ANKFY1: variants seen among roughly 807,000 people sequenced by gnomAD.
ANKFY1 encodes the protein ankyrin repeat and FYVE domain containing 1, also known as ankyrin repeat and FYVE domain-containing protein 1.
A neutral mutation model predicts 128.3 loss-of-function variants in ANKFY1; 47 were observed. The observed-to-expected ratio is 0.37, with a 90% CI of 0.29 to 0.47. The LOEUF (loss-of-function observed/expected upper bound fraction) is 0.47. Among genes scored for constraint, ANKFY1 ranks in the 20% least tolerant of loss-of-function variants. The pLI is 1.00. For missense variants in ANKFY1, 1,222 were observed against 1,510.6 expected (o/e 0.81, Z 3.17); for synonymous variants, 553 against 601.6 (o/e 0.92, Z 1.18).
In ANKFY1 at chr17:4,179,601, C is replaced by T; in HGVS notation, c.2397+120G>A. 5.4e-6 allele frequency: 7 copies of T among 1,299,232 alleles called. No homozygotes were observed. The South Asian group carries it at 7.2e-5, about 13-fold the overall frequency. 80.5% of individuals were successfully genotyped at this position (1,299,232 alleles called of 1,614,324 possible). ...AAATCATGAACGCTGCTAGGGAGGT[C>T]GTGTGTTCATGAAGCAGCAGCGCCT... On this transcript the variant is annotated intron_variant, in intron 17 of 24. Transcript: ENST00000341657.
At chr17:4,253,118 G>C (rs555805047) in intron 1 of ANKFY1, among the ~76,000 whole-genome samples, 34 of 152,292 alleles carry the variant, frequency 2.2e-4, no homozygotes, top group Non-Finnish European at 3.8e-4. Context: ...CTACTTGGGA[G>C]GCTGAGGCAG....
rs1228757344 is a variant in ANKFY1, at chr17:4,166,999, A to T, written c.*780T>A. ...TCTATAAAAAGTGCAGCACAGTAAA[A>T]GTGCATTTCCTCCAGCACTCTCCAA... On this transcript the variant is annotated 3_prime_UTR_variant, in exon 25 of 25. Transcript: ENST00000341657. 6.6e-6 allele frequency: 1 copy of T among 152,610 alleles called. No homozygotes were observed. The highest frequency in any genetic ancestry group is 1.5e-5 in the Non-Finnish European group (1 of 68,034). The allele number at this position is 152,610 out of a possible 1,614,324, so 9.5% of individuals were successfully genotyped here.
Position 4,183,469 on chromosome 17 carries a change from G to T in ANKFY1, c.1881C>A (p.His627Gln), listed in dbSNP as rs186918027. Residue 627 changes from histidine to glutamine, a missense_variant, in exon 14 of 25, where the codon CAC (histidine) becomes CAA (glutamine). Transcript: ENST00000341657. ...TGCTGTCCTGCCGCTGTATGGCCAT[G>T]TGCAGTAGCGTCTGCCCATCCGACA... The part of the protein sequence containing the change: ...DTMSDGQTLL[H>Q]MAIQRQDSKS... 1 of 1,613,672 alleles carries T rather than the reference G, an allele frequency of 6.2e-7. No individual in the cohort carries two copies. The highest frequency in any genetic ancestry group is 1.7e-5 in the Admixed American group (1 of 60,020).
intron 3 of ANKFY1, among the ~76,000 whole-genome samples, chr17:4,227,131 G>C (rs1488311281): frequency 6.6e-6 from 1 of 152,100 alleles, no homozygotes; most frequent in Admixed American, 6.5e-5. Flanking sequence ...CTTCAGTGGT[G>C]AATTCTATCA....
In ANKFY1 at chr17:4,178,373, T is replaced by C. The variant is rs2059447767; in HGVS notation, c.2598+484A>G. 5.3e-6 allele frequency: 1 copy of C among 189,706 alleles called. No homozygotes were observed. The highest frequency in any genetic ancestry group is 1.1e-5 in the Non-Finnish European group (1 of 88,352). The allele number at this position is 189,706 out of a possible 1,614,324, so 11.8% of individuals were successfully genotyped here. A position where few individuals can be genotyped will look rare whatever the true frequency, so the allele number is the denominator to read the frequency against. ...TACTCAGATCAGTTGTGATTGTCAT[T>C]TCCCAGCCAACTGCTTGTTGCAGAT... On this transcript the variant is annotated intron_variant, in intron 18 of 24. Transcript: ENST00000341657. The surrounding 1 kb of genome is among the most constrained non-coding windows in gnomAD (Gnocchi z 4.1).
At chr17:4,218,723 T>C (rs2060260324) in intron 3 of ANKFY1, among the ~76,000 whole-genome samples, 1 of 152,098 alleles carries the variant, frequency 6.6e-6, no homozygotes, top group African/African-American at 2.4e-5. Flanking sequence ...AAAAATTAGC[T>C]GGGCACATGC....
At chr17:4,251,941 G>T (rs1967856028) in intron 1 of ANKFY1, among the ~76,000 whole-genome samples, 1 of 151,856 alleles carries the variant, frequency 6.6e-6, no homozygotes, top group Non-Finnish European at 1.5e-5. Flanking sequence ...GGATGAGGCA[G>T]GGGAATCACT....
chr17:4,188,351 GCTCA>G (rs2059650154), intron 11 of ANKFY1: 1 of 152,314 alleles, frequency 6.6e-6, no homozygotes, highest in African/African-American at 2.4e-5. Flanking sequence ...CAGATACCAA[GCTCA>G]CTGTTTACTG....
At chr17:4,245,411 GCCAGGCCTGGTC>G (rs771551113) in intron 1 of ANKFY1, among the ~76,000 whole-genome samples, 2 of 151,312 alleles carry the variant, frequency 1.3e-5, no homozygotes, top group African/African-American at 4.9e-5. Flanking sequence ...TCACTATGTT[GCCAGGCCTGGTC>G]TCAAACTCCT....
In ANKFY1 at chr17:4,167,730, C is replaced by T. The variant is rs1222325920; in HGVS notation, c.*49G>A. Reference sequence around the variant, plus strand: ...GGGGTCAGGCTGGTGAGCAGAGCAGCTGCTGGGGAGGTGACCAAGGACGTG... The same window carrying T: ...GGGGTCAGGCTGGTGAGCAGAGCAGTTGCTGGGGAGGTGACCAAGGACGTG... On this transcript the variant is annotated 3_prime_UTR_variant, in exon 25 of 25. Coordinates refer to ENST00000341657, the MANE Select transcript of ANKFY1 (RefSeq NM_001330063.2). The surrounding 1 kb of genome is among the most constrained non-coding windows in gnomAD (Gnocchi z 4.1). The T allele has an allele frequency of 1.9e-6, 3 of 1,563,138 alleles. No individual in the cohort carries two copies. Among genetic ancestry groups the T allele is most frequent in the Non-Finnish European group, 8.7e-7 (1 of 1,151,388 alleles).
At chr17:4,172,942 C>G (rs973820679) in intron 21 of ANKFY1, among the ~76,000 whole-genome samples, 2 of 152,236 alleles carry the variant, frequency 1.3e-5, no homozygotes, top group African/African-American at 4.8e-5. Flanking sequence ...TCACTGCAAG[C>G]TCCGCCTCCC....
At chr17:4,221,089 G>C (rs1298365775) in intron 3 of ANKFY1, among the ~76,000 whole-genome samples, 1 of 152,170 alleles carries the variant, frequency 6.6e-6, no homozygotes, top group East Asian at 1.9e-4. Flanking sequence ...TTTCTATGTG[G>C]CCTAGTTTTT....
rs536617618 is a variant in ANKFY1, at chr17:4,201,513, C to G, written c.899-3936G>C. Among the ~76,000 whole-genome samples the G allele has an allele frequency of 1.2e-4, 18 of 145,784 alleles. No homozygotes were observed. The South Asian group carries it at 3.8e-3, about 31-fold the overall frequency. On this transcript the variant is annotated intron_variant, in intron 7 of 24. Coordinates refer to ENST00000341657, the MANE Select transcript of ANKFY1 (RefSeq NM_001330063.2). Reference sequence around the variant, plus strand: ...TTTTTTTTTTTTTTTTGTATTCACACTGTCTTATACAAAACAGAACCTGGG... The same window carrying G: ...TTTTTTTTTTTTTTTTGTATTCACAGTGTCTTATACAAAACAGAACCTGGG...
Position 4,252,104 on chromosome 17 carries a change from G to A in ANKFY1, c.11-9656C>T, listed in dbSNP as rs552954676. 4.1e-4 allele frequency among the ~76,000 whole-genome samples: 62 copies of A among 149,774 alleles called. 1 individual carries two copies. Among genetic ancestry groups the A allele is most frequent in the African/African-American group, 1.4e-3 (59 of 40,830 alleles). The stretch of plus-strand genomic sequence containing the variant: ...CTCTTACAGCTCAATAAGACAACCC[G>A]ATAAAAAAGAGCAAAAAAACTGGAG... On this transcript the variant is annotated intron_variant, in intron 1 of 24. Transcript: ENST00000341657.
chr17:4,222,798 C>T lies in ANKFY1; in HGVS notation c.323-5680G>A, dbSNP rs1034452653. The stretch of plus-strand genomic sequence containing the variant: ...CCTTCATAGTATGAAAAGGGTTGAA[C>T]TGGATGACAGCATTAGTGCCAGCAG... On this transcript the variant is annotated intron_variant, in intron 3 of 24. Coordinates refer to ENST00000341657, the MANE Select transcript of ANKFY1 (RefSeq NM_001330063.2). The T allele has an allele frequency of 1.1e-5, 11 of 1,014,392 alleles. No homozygotes were observed. The Admixed American group carries it at 1.5e-4, about 14-fold the overall frequency. The allele number at this position is 1,014,392 out of a possible 1,614,324, so 62.8% of individuals were successfully genotyped here.
intron 7 of ANKFY1, 82 bp downstream of exon 7, chr17:4,206,239 G>A: frequency 2.0e-6 from 3 of 1,475,162 alleles, no homozygotes; most frequent in Non-Finnish European, 2.8e-6. Context: ...TGAGAATTTT[G>A]GGAACAAGGT....
At chr17:4,242,494 CA>C in intron 1 of ANKFY1, 46 bp from the exon 2 acceptor site, 1 of 1,484,736 alleles carries the variant, frequency 6.7e-7, no homozygotes, top group South Asian at 1.4e-5. Flanking sequence ...TGCTGGAAAG[CA>C]GGTGGCATTC....
chr17:4,169,435 GGT>G lies in ANKFY1; in HGVS notation c.3287-149_3287-148del. ...GACGAAGGAGCGATAGGTTCTAAGT[GGT>G]TCAGGGCCAGCTTCCCAGAGGAGAC... On this transcript the variant is annotated intron_variant, in intron 23 of 24. Transcript: ENST00000341657. The surrounding 1 kb of genome is among the most constrained non-coding windows in gnomAD (Gnocchi z 5.0). 1.6e-6 allele frequency: 1 copy of G among 615,292 alleles called. No homozygotes were observed. The highest frequency in any genetic ancestry group is 2.0e-5 in the South Asian group (1 of 50,130). The allele number at this position is 615,292 out of a possible 1,614,324, so 38.1% of individuals were successfully genotyped here.
intron 2 of ANKFY1, among the ~76,000 whole-genome samples, chr17:4,238,738 T>A (rs1967048382): frequency 6.6e-6 from 1 of 151,868 alleles, no homozygotes; most frequent in African/African-American, 2.4e-5. Flanking sequence ...AGTGCTGGGA[T>A]TACAGGTGTG....
Sources: allele counts gnomAD v4.1 joint callset (sites outside exome capture counted in the v4.1 genomes callset), GRCh38; gene constraint gnomAD v4.1.1; non-coding constraint Gnocchi (gnomAD v3.1); transcripts MANE v1.5; gene names NCBI Gene and HGNC (gene_info 2026-07-23, HGNC 2026-07-21).